CDC42BPA: variants seen among roughly 807,000 people sequenced by gnomAD.
CDC42BPA encodes the protein serine/threonine-protein kinase MRCK alpha.
Under a neutral mutation model 223.5 loss-of-function variants are expected in CDC42BPA, and 80 were observed. The observed-to-expected ratio is 0.36, with a 90% CI of 0.30 to 0.43. The LOEUF is 0.43. CDC42BPA is among the 20% of genes least tolerant of loss of function. The pLI is 1.00. For synonymous variants in CDC42BPA, 694 were observed against 718.6 expected, an observed-to-expected ratio of 0.97 and a Z score of 0.55; for missense variants, 1,743 against 2,099.9, an observed-to-expected ratio of 0.83 and a Z score of 3.32.
intron 11 of CDC42BPA, among the ~76,000 whole-genome samples, chr1:227,122,779 T>C (rs1376074921): frequency 6.6e-6 from 1 of 152,172 alleles, no homozygotes; most frequent in Admixed American, 6.5e-5. Flanking sequence ...CACAGAATGT[T>C]GCATTCCCAA....
intron 5 of CDC42BPA, among the ~76,000 whole-genome samples, chr1:227,165,123 C>T (rs1257560131): frequency 6.6e-6 from 1 of 152,132 alleles, no homozygotes; most frequent in Non-Finnish European, 1.5e-5. Flanking sequence ...AATCCTTCTT[C>T]TTATTCCCTC....
chr1:226,996,656 A>C (rs1258493724), intron 35 of CDC42BPA, among the ~76,000 whole-genome samples: 1 of 152,142 alleles, frequency 6.6e-6, no homozygotes, highest in Non-Finnish European at 1.5e-5. Flanking sequence ...TAGTTTATTG[A>C]GTTTTTAGTA....
intron 5 of CDC42BPA, among the ~76,000 whole-genome samples, chr1:227,171,981 T>C (rs980985186): frequency 1.3e-5 from 2 of 152,184 alleles, no homozygotes. Context: ...TTTATATAGG[T>C]TAGGGTAGTG....
At chr1:227,299,693 A>G (rs12746316) in intron 1 of CDC42BPA, among the ~76,000 whole-genome samples, 17,563 of 152,122 alleles carry the variant, frequency 0.12, 1,222 homozygotes, top group South Asian at 0.19. Flanking sequence ...CTTTAGATAA[A>G]ATGCAAGATA....
At chr1:227,226,042 T>C (rs959334943) in intron 2 of CDC42BPA, among the ~76,000 whole-genome samples, 4 of 152,200 alleles carry the variant, frequency 2.6e-5, no homozygotes, top group African/African-American at 9.6e-5. Context: ...GAGGCAAATG[T>C]TGAAAAACAA....
intron 1 of CDC42BPA, among the ~76,000 whole-genome samples, chr1:227,265,479 A>C (rs1684831024): frequency 2.6e-5 from 4 of 152,102 alleles, no homozygotes; most frequent in Admixed American, 2.6e-4. Flanking sequence ...AGGGAGGCCA[A>C]GGCGGGCGGA....
Position 227,007,479 on chromosome 1 carries a change from C to T in CDC42BPA, c.4858-2368G>A, listed in dbSNP as rs968070324. On this transcript the variant is annotated intron_variant, in intron 34 of 36. Transcript: ENST00000366766. The stretch of plus-strand genomic sequence containing the variant: ...ACCAAAAAAGTCACCTGTGAATTCA[C>T]CAGATACTAATAACAATTTGATGTG... 2.2e-4 allele frequency among the ~76,000 whole-genome samples: 33 copies of T among 152,268 alleles called. No homozygotes were observed. In the Middle Eastern group the frequency reaches 0.01, roughly 47 times the overall value.
chr1:227,055,612 C>T (rs1326450225), intron 21 of CDC42BPA, among the ~76,000 whole-genome samples: 1 of 151,984 alleles, frequency 6.6e-6, no homozygotes, highest in African/African-American at 2.4e-5. Context: ...CAAACATAAT[C>T]ATTATTAATA....
chr1:227,244,971 A>G (rs189100688), intron 2 of CDC42BPA, among the ~76,000 whole-genome samples: 22 of 152,324 alleles, frequency 1.4e-4, no homozygotes, highest in Non-Finnish European at 1.6e-4. Flanking sequence ...GCATTTGACT[A>G]GCTCTAGCCA....
chr1:227,234,279 C>A (rs12754677), intron 2 of CDC42BPA: 17,622 of 152,174 alleles, frequency 0.12, 1,241 homozygotes, highest in South Asian at 0.21. Context: ...ATGAGCTATG[C>A]AAATTAACTA....
At chr1:227,082,563 A>G (rs1294680311) in intron 16 of CDC42BPA, among the ~76,000 whole-genome samples, 1 of 151,890 alleles carries the variant, frequency 6.6e-6, no homozygotes, top group East Asian at 1.9e-4. Flanking sequence ...AAATAAAAAA[A>G]AATTAGCCAG....
intron 23 of CDC42BPA, among the ~76,000 whole-genome samples, chr1:227,045,624 C>G (rs1047796222): frequency 2.0e-5 from 3 of 151,976 alleles, no homozygotes; most frequent in Non-Finnish European, 2.9e-5. Flanking sequence ...TTTTCTTTTC[C>G]TAATTTCTAC....
rs1010112150 is a variant in CDC42BPA, at chr1:227,072,196, A to C, written c.2827+12T>G. ...AGTAAGTCCTGAGTGAGGCAAACAC[A>C]CACTCCCATACCCTTTTCAGATCTA... is the stretch of plus-strand genomic sequence containing the variant. On this transcript the variant is annotated intron_variant, in intron 20 of 36. Transcript: ENST00000366766. 2.7e-6 allele frequency: 4 copies of C among 1,482,902 alleles called. No homozygotes were observed. The highest frequency in any genetic ancestry group is 3.7e-6 in the Non-Finnish European group (4 of 1,076,628). 91.9% of individuals were successfully genotyped at this position (1,482,902 alleles called of 1,614,324 possible).
At chr1:227,057,832 T>C (rs1479942081) in intron 21 of CDC42BPA, among the ~76,000 whole-genome samples, 1 of 152,154 alleles carries the variant, frequency 6.6e-6, no homozygotes, top group East Asian at 1.9e-4. Flanking sequence ...TTTTCTTATT[T>C]CAAGATTCAC....
Position 227,129,702 on chromosome 1 carries a change from C to CATATAT in CDC42BPA, c.1391-477_1391-472dup, listed in dbSNP as rs1196658904. 7.3e-3 allele frequency among the ~76,000 whole-genome samples: 518 copies of CATATAT among 70,908 alleles called. 11 individuals carry two copies. Among genetic ancestry groups the CATATAT allele is most frequent in the African/African-American group, 0.027 (490 of 17,832 alleles). 46.5% of individuals were successfully genotyped at this position (70,908 alleles called of 152,430 possible). On this transcript the variant is annotated intron_variant, in intron 10 of 36. Coordinates refer to ENST00000366766, the MANE Select transcript of CDC42BPA (RefSeq NM_001394014.1). ...AAAAAAAAAAAAAAAAAATCCACTG[C>CATATAT]ATATATATATATACAAAAGAATCCA... is the stretch of plus-strand genomic sequence containing the variant.
At chr1:227,314,154 A>G (rs1012673262) in intron 1 of CDC42BPA, among the ~76,000 whole-genome samples, 9 of 152,260 alleles carry the variant, frequency 5.9e-5, no homozygotes, top group African/African-American at 2.2e-4. Context: ...TTTTACTTCT[A>G]CAACTCCACT....
rs896420682 is a variant in CDC42BPA, at chr1:227,132,566, T to C, written c.1391-3335A>G. Among the ~76,000 whole-genome samples, 8 of 145,570 alleles carry C rather than the reference T, an allele frequency of 5.5e-5. 1 individual carries two copies. Among genetic ancestry groups the C allele is most frequent in the African/African-American group, 7.8e-5 (3 of 38,464 alleles). On this transcript the variant is annotated intron_variant, in intron 10 of 36. Coordinates refer to ENST00000366766, the MANE Select transcript of CDC42BPA (RefSeq NM_001394014.1). Reference sequence around the variant, plus strand: ...CCTGGCTGCCACCCCGTCTGGGAAGTGAGGAGCGTCTCTGCCTGGCCGCCC... The same window carrying C: ...CCTGGCTGCCACCCCGTCTGGGAAGCGAGGAGCGTCTCTGCCTGGCCGCCC...
intron 5 of CDC42BPA, among the ~76,000 whole-genome samples, chr1:227,163,132 ATGTG>A (rs370186970): frequency 1.4e-5 from 1 of 72,954 alleles, no homozygotes. Context: ...TTCCAAACAT[ATGTG>A]TGTGTATGTT....
rs182053300 is a variant in CDC42BPA, at chr1:227,021,287, G to T, written c.4615+1976C>A. ...AAACCTGCGACTTGTAAACAATGTAGTATCTGTGGAGCACGATAAAGTGGC... is the reference window on the plus strand; with the variant it reads ...AAACCTGCGACTTGTAAACAATGTATTATCTGTGGAGCACGATAAAGTGGC... On this transcript the variant is annotated intron_variant, in intron 32 of 36. Transcript: ENST00000366766. Among the ~76,000 whole-genome samples the T allele has an allele frequency of 3.2e-4, 48 of 152,296 alleles. 1 individual carries two copies. Among genetic ancestry groups the T allele is most frequent in the African/African-American group, 1.1e-3 (46 of 41,564 alleles).
Sources: allele counts gnomAD v4.1 joint callset (sites outside exome capture counted in the v4.1 genomes callset), GRCh38; gene constraint gnomAD v4.1.1; transcripts MANE v1.5; gene names NCBI Gene and HGNC (gene_info 2026-07-23, HGNC 2026-07-21).